The following CNTNAP4 variants were observed in gnomAD, a reference collection of about 807,000 sequenced individuals.
The protein encoded by CNTNAP4 is contactin associated protein family member 4.
Under a neutral mutation model 148.4 loss-of-function variants are expected in CNTNAP4, and 98 were observed. The ratio of observed to expected loss-of-function variants is 0.66; its 90% CI spans 0.56 to 0.78. The LOEUF (loss-of-function observed/expected upper bound fraction) is 0.78, where lower values mean the gene tolerates loss of function less well. CNTNAP4 is among the 30% of genes least tolerant of loss of function. The pLI is 0.00. For synonymous variants in CNTNAP4, 730 were observed against 565.1 expected (o/e 1.29, Z -4.14); for missense variants, 1,935 against 1,565.6 (o/e 1.24, Z -3.98).
At position 76,462,003 on chromosome 16, in the gene CNTNAP4, A is replaced by G; in HGVS notation, c.1381A>G (p.Lys461Glu). The G allele has an allele frequency of 2.5e-6, 4 of 1,613,812 alleles. No individual in the cohort carries two copies. The African/African-American group carries it at 5.3e-5, about 22-fold the overall frequency. ...GQWHSVSLSAKKNHLSVAVDG... is the reference protein window; with the variant it reads ...GQWHSVSLSAEKNHLSVAVDG... The stretch of plus-strand genomic sequence containing the variant: ...GTGGCATTCTGTCTCTTTATCTGCT[A>G]AAAAGAATCACTTGAGTGTGGCGGT... Residue 461 changes from lysine (K) to glutamate (E), a missense_variant, in exon 9 of 24, where the codon AAA becomes GAA. By Grantham distance (56) the Lys-to-Glu change is moderately conservative. Transcript: ENST00000611870.
intron 15 of CNTNAP4, among the ~76,000 whole-genome samples, chr16:76,501,883 A>AC (rs1228702044): frequency 6.6e-6 from 1 of 152,020 alleles, no homozygotes; most frequent in South Asian, 2.1e-4. Context: ...ATCCCGGCTA[A>AC]ACGGTGAAAC....
At chr16:76,420,151 C>CTGTG (rs917618087) in intron 3 of CNTNAP4, among the ~76,000 whole-genome samples, 2 of 75,948 alleles carry the variant, frequency 2.6e-5, no homozygotes, top group Admixed American at 3.1e-4. Flanking sequence ...GAGATGGGTA[C>CTGTG]TGTGTGTGTG....
rs766182049 is a variant in CNTNAP4, at chr16:76,316,532, G to C, written c.196+9G>C. 13 of 1,571,480 alleles carry C rather than the reference G, an allele frequency of 8.3e-6. No individual in the cohort carries two copies. In the East Asian group the frequency reaches 9.0e-5, roughly 11 times the overall value. ...GCTGAATAGAAGAGATGGTAAGTCT[G>C]CTTTTCTCCTCTGACTGGCCCATAG... On this transcript the variant is annotated intron_variant, in intron 2 of 23. Transcript: ENST00000611870.
intron 2 of CNTNAP4, among the ~76,000 whole-genome samples, chr16:76,343,700 A>G (rs1157193959): frequency 6.6e-6 from 1 of 152,150 alleles, no homozygotes; most frequent in Non-Finnish European, 1.5e-5. Context: ...CCCCATTTTA[A>G]CACAATGTAA....
intron 3 of CNTNAP4, among the ~76,000 whole-genome samples, chr16:76,391,893 T>G (rs1329022674): frequency 1.3e-5 from 2 of 152,226 alleles, no homozygotes; most frequent in African/African-American, 4.8e-5. Context: ...CACCCAAGTT[T>G]GAATTGCTCT....
intron 3 of CNTNAP4, among the ~76,000 whole-genome samples, chr16:76,426,031 A>AT (rs777170051): frequency 6.6e-6 from 1 of 152,130 alleles, no homozygotes; most frequent in Non-Finnish European, 1.5e-5. Context: ...GAGTGGTCAT[A>AT]TTGAAATAAA....
chr16:76,531,517 G>A (rs73621234), intron 17 of CNTNAP4, among the ~76,000 whole-genome samples: 8,077 of 152,114 alleles, frequency 0.053, 386 homozygotes, highest in East Asian at 0.26. Context: ...GTGAAGTCCC[G>A]AAATTCATTA....
In CNTNAP4 at chr16:76,462,046, C is replaced by G. The variant is rs201768593; in HGVS notation, c.1424C>G (p.Ser475Cys). ...GTGGCGGTGGACGGCCAGATGGCTT[C>G]TGCTGCTCCTCTGCTGGGGCCTGAG... Reference protein sequence around the residue: ...LSVAVDGQMASAAPLLGPEQI... With the variant: ...LSVAVDGQMACAAPLLGPEQI... The change falls in exon 9 of 24, where the codon TCT becomes TGT. Residue 475 changes from serine (S) to cysteine (C), a missense_variant. By Grantham distance (112) the Ser-to-Cys change is moderately radical (BLOSUM62 -1). Transcript: ENST00000611870. 1.2e-4 allele frequency: 194 copies of G among 1,613,730 alleles called. No homozygotes were observed. The highest frequency in any genetic ancestry group is 1.5e-4 in the Non-Finnish European group (176 of 1,179,854).
At chr16:76,550,975 A>G (rs1056967809) in intron 21 of CNTNAP4, among the ~76,000 whole-genome samples, 1 of 152,240 alleles carries the variant, frequency 6.6e-6, no homozygotes. Context: ...CCCTCACAAC[A>G]GGAAAGTGAT....
intron 13 of CNTNAP4, 121 bp from the exon 14 acceptor site, chr16:76,494,789 T>C (rs1460258821): frequency 2.8e-6 from 3 of 1,080,298 alleles, no homozygotes; most frequent in African/African-American, 3.1e-5. Context: ...TTAAATCCAA[T>C]CAATCTTTCT....
intron 3 of CNTNAP4, among the ~76,000 whole-genome samples, chr16:76,357,515 GTTAAGGTA>G (rs2012843540): frequency 6.6e-6 from 1 of 152,160 alleles, no homozygotes; most frequent in East Asian, 1.9e-4. Flanking sequence ...TCATAATCCT[GTTAAGGTA>G]ACATTGCTTT....
chr16:76,442,862 A>G (rs564547529), intron 4 of CNTNAP4, among the ~76,000 whole-genome samples: 1 of 152,244 alleles, frequency 6.6e-6, no homozygotes, highest in South Asian at 2.1e-4. Flanking sequence ...CATCCATACC[A>G]TGGCAGAAAA....
At chr16:76,526,298 G>T (rs749479143) in intron 17 of CNTNAP4, among the ~76,000 whole-genome samples, 3 of 152,144 alleles carry the variant, frequency 2.0e-5, no homozygotes, top group Admixed American at 6.5e-5. Context: ...TGGCTGGAAA[G>T]AATCAGATTT....
intron 21 of CNTNAP4, among the ~76,000 whole-genome samples, chr16:76,549,526 G>GA (rs1451497326): frequency 1.3e-5 from 2 of 151,760 alleles, no homozygotes; most frequent in African/African-American, 4.8e-5. Flanking sequence ...AATAAAAGGA[G>GA]AAAAAAACTA....
intron 23 of CNTNAP4, among the ~76,000 whole-genome samples, chr16:76,555,056 T>TATATCC: frequency 6.6e-6 from 1 of 152,144 alleles, no homozygotes; most frequent in Non-Finnish European, 1.5e-5. Context: ...GTTTACTTTC[T>TATATCC]ATATCCATAT....
chr16:76,306,244 A>G (rs1357472836), intron 1 of CNTNAP4, among the ~76,000 whole-genome samples: 2 of 152,204 alleles, frequency 1.3e-5, no homozygotes, highest in African/African-American at 4.8e-5. Context: ...ACTGCTTTCT[A>G]CAGTGGCTGA....
At chr16:76,527,133 C>T (rs1568516840) in intron 17 of CNTNAP4, among the ~76,000 whole-genome samples, 2 of 152,128 alleles carry the variant, frequency 1.3e-5, no homozygotes, top group Non-Finnish European at 2.9e-5. Context: ...CTTCACAGGC[C>T]AGAGAAAATA....
intron 3 of CNTNAP4, among the ~76,000 whole-genome samples, chr16:76,415,597 A>G (rs1392556516): frequency 6.6e-6 from 1 of 151,106 alleles, no homozygotes; most frequent in Admixed American, 6.6e-5. Flanking sequence ...ATGCACCCAA[A>G]TAAAGTGCAG....
chr16:76,517,636 T>A (rs2083298718), intron 15 of CNTNAP4, among the ~76,000 whole-genome samples: 1 of 152,238 alleles, frequency 6.6e-6, no homozygotes, highest in South Asian at 2.1e-4. Flanking sequence ...ATGTGTTTTT[T>A]AAATACTGTT....
Sources: gnomAD v4.1 joint callset for allele counts (sites outside exome capture counted in the v4.1 genomes callset) on GRCh38, gnomAD v4.1.1 for gene constraint, MANE v1.5 for transcripts, NCBI Gene and HGNC (gene_info 2026-07-23, HGNC 2026-07-21) for gene names.